Variants in NALF1 observed in about 807,000 individuals in gnomAD.
NALF1 encodes the protein family with sequence similarity 155 member A.
NALF1 carries 3 observed loss-of-function variants against 48.4 expected under a neutral mutation model. That is an observed-to-expected ratio of 0.06 (90% CI 0.03 to 0.16). The LOEUF is 0.16. NALF1 is among the 10% of genes least tolerant of loss of function. NALF1 has a pLI of 1.00. For synonymous variants in NALF1, 262 were observed against 245.7 expected (o/e 1.07, Z -0.62); for missense variants, 526 against 571.5 (o/e 0.92, Z 0.81).
chr13:107,774,218 G>A (rs1355487288), intron 1 of NALF1, among the ~76,000 whole-genome samples: 1 of 152,136 alleles, frequency 6.6e-6, no homozygotes, highest in African/African-American at 2.4e-5. Context: ...TTGTATTTAG[G>A]TGCATAGGTG....
intron 1 of NALF1, among the ~76,000 whole-genome samples, chr13:107,730,995 G>A (rs1236158190): frequency 2.6e-5 from 4 of 152,150 alleles, no homozygotes; most frequent in South Asian, 2.1e-4. Flanking sequence ...CGGGAATGTC[G>A]ATCTCTGAGA....
At chr13:107,710,794 T>C (rs963888233) in intron 1 of NALF1, among the ~76,000 whole-genome samples, 6 of 130,440 alleles carry the variant, frequency 4.6e-5, no homozygotes, top group Non-Finnish European at 9.7e-5. Context: ...TATACACATA[T>C]ATGTATATAT....
At chr13:107,274,572 A>T (rs1881241421) in intron 1 of NALF1, among the ~76,000 whole-genome samples, 1 of 152,160 alleles carries the variant, frequency 6.6e-6, no homozygotes, top group Non-Finnish European at 1.5e-5. Flanking sequence ...TAAAGTAAAT[A>T]AATTAATTAA....
chr13:107,815,566 T>G lies in NALF1; in HGVS notation c.915+50116A>C, dbSNP rs77424065. 0.037 allele frequency among the ~76,000 whole-genome samples: 5,594 copies of G among 152,196 alleles called. 481 individuals are homozygous for G. In the East Asian group the frequency reaches 0.39, roughly 11 times the overall value. The stretch of plus-strand genomic sequence containing the variant: ...GACCCTTGCACATTGCTAGTAGAAG[T>G]GTAAAATACAGTTCTGCAGTTCCTG... On this transcript the variant is annotated intron_variant, in intron 1 of 2. Coordinates refer to ENST00000375915, the MANE Select transcript of NALF1 (RefSeq NM_001080396.3).
chr13:107,593,245 A>G (rs981326402), intron 1 of NALF1, among the ~76,000 whole-genome samples: 4 of 151,950 alleles, frequency 2.6e-5, no homozygotes, highest in Non-Finnish European at 5.9e-5. Context: ...ATTCTAAAAC[A>G]TCTTATTTTA....
At chr13:107,306,933 C>T (rs916547489) in intron 1 of NALF1, among the ~76,000 whole-genome samples, 1 of 152,180 alleles carries the variant, frequency 6.6e-6, no homozygotes, top group African/African-American at 2.4e-5. Context: ...CCTTCAGCTG[C>T]AGTGACAGAG....
At chr13:107,427,966 C>A (rs1024384938) in intron 1 of NALF1, among the ~76,000 whole-genome samples, 3 of 152,128 alleles carry the variant, frequency 2.0e-5, no homozygotes, top group Non-Finnish European at 4.4e-5. Flanking sequence ...GCACAAAGAA[C>A]CTTACTTAGG....
intron 1 of NALF1, among the ~76,000 whole-genome samples, chr13:107,649,905 C>T (rs181351409): frequency 1.3e-5 from 2 of 152,244 alleles, no homozygotes; most frequent in African/African-American, 2.4e-5. Context: ...GGCCCCTACC[C>T]GTCAGCTTGC....
intron 1 of NALF1, among the ~76,000 whole-genome samples, chr13:107,739,644 A>G (rs147008203): frequency 2.0e-5 from 3 of 152,266 alleles, no homozygotes; most frequent in African/African-American, 4.8e-5. Flanking sequence ...GCAATTTATT[A>G]AGACCTCAAG....
rs548902350 is a variant in NALF1, at chr13:107,402,684, C to T, written c.916-191929G>A. On this transcript the variant is annotated intron_variant, in intron 1 of 2. Coordinates refer to ENST00000375915, the MANE Select transcript of NALF1 (RefSeq NM_001080396.3). ...GAGAGATGCCACTGAAAAATACAGG[C>T]TTTGGAGTCAGAGAAGAAAAATCCA... Among the ~76,000 whole-genome samples the T allele has an allele frequency of 2.6e-5, 4 of 152,152 alleles. No individual in the cohort carries two copies. The East Asian group carries it at 7.7e-4, about 29-fold the overall frequency.
intron 1 of NALF1, among the ~76,000 whole-genome samples, chr13:107,760,441 C>G (rs999364626): frequency 1.2e-4 from 19 of 152,112 alleles, no homozygotes; most frequent in African/African-American, 4.6e-4. Context: ...GTCTGCTATT[C>G]TAACTCAACC....
intron 1 of NALF1, among the ~76,000 whole-genome samples, chr13:107,593,405 A>G (rs1878652436): frequency 6.6e-6 from 1 of 151,954 alleles, no homozygotes; most frequent in Admixed American, 6.6e-5. Context: ...GAGAAAGAGT[A>G]TGCATTGACA....
chr13:107,376,450 C>T (rs1883341900), intron 1 of NALF1, among the ~76,000 whole-genome samples: 1 of 152,168 alleles, frequency 6.6e-6, no homozygotes, highest in South Asian at 2.1e-4. Context: ...TGGACTCCCA[C>T]CCTTGGAGCA....
At chr13:107,573,871 G>T (rs1044279953) in intron 1 of NALF1, among the ~76,000 whole-genome samples, 1 of 152,154 alleles carries the variant, frequency 6.6e-6, no homozygotes, top group African/African-American at 2.4e-5. Flanking sequence ...ATGATTGTGA[G>T]TCTTCCCCAG....
chr13:107,818,696 C>T (rs1238984302), intron 1 of NALF1, among the ~76,000 whole-genome samples: 2 of 150,228 alleles, frequency 1.3e-5, no homozygotes, highest in Non-Finnish European at 3.0e-5. Context: ...CACGGTGAAA[C>T]CCCGTCTCTA....
At chr13:107,180,617 G>A (rs1265767429) in intron 2 of NALF1, among the ~76,000 whole-genome samples, 1 of 151,760 alleles carries the variant, frequency 6.6e-6, no homozygotes, top group African/African-American at 2.4e-5. Flanking sequence ...TTTTATTAAT[G>A]TGAAGATGCA....
In NALF1 at chr13:107,169,703, T is replaced by C. The variant is rs1166094027; in HGVS notation, c.*794A>G. 2 of 152,632 alleles carry C rather than the reference T, an allele frequency of 1.3e-5. No homozygotes were observed. Among genetic ancestry groups the C allele is most frequent in the Non-Finnish European group, 2.9e-5 (2 of 68,054 alleles). 9.5% of individuals were successfully genotyped at this position (152,632 alleles called of 1,614,324 possible). ...GTGTTAACTGTCTGATTCCACCTAT[T>C]ATGGAGAGCACTTGTTTGTTCAGCT... On this transcript the variant is annotated 3_prime_UTR_variant, in exon 3 of 3. Transcript: ENST00000375915.
At chr13:107,411,200 T>C (rs1883983411) in intron 1 of NALF1, among the ~76,000 whole-genome samples, 6 of 152,112 alleles carry the variant, frequency 3.9e-5, no homozygotes, top group Non-Finnish European at 1.5e-5. Context: ...TTAAGAAAGG[T>C]TGTGGATTTT....
chr13:107,447,737 G>A (rs140028478), intron 1 of NALF1, among the ~76,000 whole-genome samples: 1 of 152,142 alleles, frequency 6.6e-6, no homozygotes, highest in South Asian at 2.1e-4. Flanking sequence ...GGCAGCAGCT[G>A]CAGTCAATTC....
Sources: gnomAD v4.1 joint callset for allele counts (sites outside exome capture counted in the v4.1 genomes callset) on GRCh38, gnomAD v4.1.1 for gene constraint, MANE v1.5 for transcripts, NCBI Gene and HGNC (gene_info 2026-07-23, HGNC 2026-07-21) for gene names.